Variants in ARHGAP21 observed in about 807,000 individuals in gnomAD.
ARHGAP21 encodes the protein rho GTPase-activating protein 21.
In ARHGAP21, 38 loss-of-function variants were observed where a neutral mutation model predicts 164.6. That is an observed-to-expected ratio of 0.23 (90% CI 0.18 to 0.30). ARHGAP21 has a LOEUF of 0.30. Among genes scored for constraint, ARHGAP21 ranks in the 10% least tolerant of loss-of-function variants. The pLI is 1.00. For missense variants in ARHGAP21, 1,822 were observed against 2,370.7 expected (o/e 0.77, Z 4.81); for synonymous variants, 766 against 857.9 (o/e 0.89, Z 1.87).
intron 9 of ARHGAP21, among the ~76,000 whole-genome samples, chr10:24,609,493 T>C (rs1345157680): frequency 6.6e-6 from 1 of 152,214 alleles, no homozygotes; most frequent in Non-Finnish European, 1.5e-5. Context: ...GGCTTACTCA[T>C]TTCAGTATTG....
At position 24,670,204 on chromosome 10, in the gene ARHGAP21, A is replaced by T; in HGVS notation, c.243+14T>A. ...GTGGTTTTTTTTTCAAGTTGCGGTAACTATTTCTCTTACCTTATATGAAAA... is the reference window on the plus strand; with the variant it reads ...GTGGTTTTTTTTTCAAGTTGCGGTATCTATTTCTCTTACCTTATATGAAAA... On this transcript the variant is annotated intron_variant, in intron 3 of 25. Transcript: ENST00000396432. 6.5e-7 allele frequency: 1 copy of T among 1,535,434 alleles called. No individual in the cohort carries two copies. The highest frequency in any genetic ancestry group is 1.4e-5 in the African/African-American group (1 of 72,584).
At chr10:24,628,816 C>CACACATATATGTACAT (rs1565052902) in intron 7 of ARHGAP21, among the ~76,000 whole-genome samples, 3 of 110,362 alleles carry the variant, frequency 2.7e-5, no homozygotes, top group Non-Finnish European at 4.1e-5. Context: ...CATATATATA[C>CACACATATATGTACAT]ATATACACAC....
chr10:24,633,418 C>T lies in ARHGAP21; in HGVS notation c.424G>A (p.Ala142Thr). 6.2e-7 allele frequency: 1 copy of T among 1,609,658 alleles called. No individual in the cohort carries two copies. Among genetic ancestry groups the T allele is most frequent in the Non-Finnish European group, 8.5e-7 (1 of 1,177,444 alleles). The change falls in exon 6 of 26, where the codon GCT (alanine) becomes ACT (threonine). Residue 142 changes from alanine to threonine, a missense_variant. Physicochemically the swap from Ala to Thr is moderately conservative, Grantham distance 58 (BLOSUM62 0). Coordinates refer to ENST00000396432, the MANE Select transcript of ARHGAP21 (RefSeq NM_020824.4). ...GACTCTTACCTGTTTTGAATTAAAG[C>T]AATTACTTGGGAATAGGTTTTGCCA... is the stretch of plus-strand genomic sequence containing the variant. The part of the protein sequence containing the change: ...VIGKTYSQVI[A>T]LIQNSDTTLE...
intron 2 of ARHGAP21, among the ~76,000 whole-genome samples, chr10:24,699,065 G>C (rs139398366): frequency 1.1e-3 from 161 of 152,222 alleles, no homozygotes; most frequent in African/African-American, 3.1e-3. Flanking sequence ...CCCTTCGAAA[G>C]TGTTTTCCCA....
At chr10:24,692,649 T>C (rs568987309) in intron 2 of ARHGAP21, among the ~76,000 whole-genome samples, 3 of 152,184 alleles carry the variant, frequency 2.0e-5, no homozygotes, top group East Asian at 1.9e-4. Flanking sequence ...CTGGCCAACA[T>C]GGCGGAACCC....
chr10:24,690,684 C>T (rs1339360612), intron 2 of ARHGAP21, among the ~76,000 whole-genome samples: 3 of 151,798 alleles, frequency 2.0e-5, no homozygotes, highest in Non-Finnish European at 2.9e-5. Context: ...CAAAAATTAG[C>T]AGGTGTGGTA....
rs142377851 is a variant in ARHGAP21 at position 24,683,457 on chromosome 10, T to C, written c.64-13060A>G. Among the ~76,000 whole-genome samples the C allele has an allele frequency of 9.4e-4, 143 of 152,234 alleles. 5 individuals carry two copies. The East Asian group carries it at 0.023, about 24-fold the overall frequency. On this transcript the variant is annotated intron_variant, in intron 2 of 25. Coordinates refer to ENST00000396432, the MANE Select transcript of ARHGAP21 (RefSeq NM_020824.4). ...TACCTGGATAGCACATTTCTCTGTC[T>C]TTCTCTCTCTGATTTACTTTATTTT...
At chr10:24,716,677 C>A (rs1845417289) in intron 2 of ARHGAP21, among the ~76,000 whole-genome samples, 2 of 152,230 alleles carry the variant, frequency 1.3e-5, no homozygotes, top group African/African-American at 4.8e-5. Flanking sequence ...AGGAATGACA[C>A]AACTTGATTT....
intron 4 of ARHGAP21, among the ~76,000 whole-genome samples, chr10:24,638,658 T>C (rs1331030594): frequency 6.6e-6 from 1 of 152,238 alleles, no homozygotes; most frequent in Non-Finnish European, 1.5e-5. Flanking sequence ...TTCTCAATTT[T>C]TTGAGAACAC....
In ARHGAP21 at chr10:24,722,149, G is replaced by A. The variant is rs1845995470; in HGVS notation, c.-250C>T. ...TTTCTGGAGACTTAAAAACAAAGGC[G>A]ACAGGTCTTCTTGGCAGCCAGTGTC... On this transcript the variant is annotated 5_prime_UTR_variant, in exon 2 of 26. Transcript: ENST00000396432. 3.7e-6 allele frequency: 2 copies of A among 537,504 alleles called. No individual in the cohort carries two copies. The highest frequency in any genetic ancestry group is 4.2e-5 in the South Asian group (2 of 48,008). 33.3% of individuals were successfully genotyped at this position (537,504 alleles called of 1,614,324 possible). A position where few individuals can be genotyped will look rare whatever the true frequency, so the allele number is the denominator to read the frequency against.
intron 21 of ARHGAP21, among the ~76,000 whole-genome samples, chr10:24,594,646 G>A (rs1182064694): frequency 6.6e-6 from 1 of 152,092 alleles, no homozygotes; most frequent in Non-Finnish European, 1.5e-5. Flanking sequence ...GACTGTTGTA[G>A]CGTATGCATA....
At chr10:24,603,225 T>C (rs982632138) in intron 12 of ARHGAP21, among the ~76,000 whole-genome samples, 7 of 152,094 alleles carry the variant, frequency 4.6e-5, no homozygotes, top group Non-Finnish European at 1.0e-4. Flanking sequence ...GATGGAGAAG[T>C]AGTCTTTCAG....
At chr10:24,667,518 G>A (rs535215193) in intron 3 of ARHGAP21, among the ~76,000 whole-genome samples, 10 of 152,280 alleles carry the variant, frequency 6.6e-5, no homozygotes, top group Non-Finnish European at 1.3e-4. Context: ...CAATTTTGAA[G>A]TTTATCTACT....
chr10:24,668,602 A>G (rs574306523), intron 3 of ARHGAP21, among the ~76,000 whole-genome samples: 17 of 151,900 alleles, frequency 1.1e-4, no homozygotes, highest in African/African-American at 3.6e-4. Flanking sequence ...ATTTACTTCA[A>G]TGTTTAATAC....
At position 24,621,299 on chromosome 10, in the gene ARHGAP21, G is replaced by A. The variant is rs1252315382; in HGVS notation, c.596C>T (p.Pro199Leu). The A allele has an allele frequency of 1.2e-6, 2 of 1,612,734 alleles. No individual in the cohort carries two copies. Among genetic ancestry groups the A allele is most frequent in the South Asian group, 2.2e-5 (2 of 90,838 alleles). Residue 199 changes from proline (P) to leucine (L), a missense_variant, in exon 9 of 26, where the codon CCT (proline) becomes CTT (leucine). Pro to Leu is a moderately conservative substitution (Grantham distance 98, BLOSUM62 -3). Coordinates refer to ENST00000396432, the MANE Select transcript of ARHGAP21 (RefSeq NM_020824.4). Reference protein sequence around the residue: ...YSGNARNIPEPPPICYPWLPS... With the variant: ...YSGNARNIPELPPICYPWLPS... ...CAGCCAGGGATAGCAGATTGGTGGA[G>A]GTTCAGGTATATTGCGGGCATTGCC...
At chr10:24,611,138 G>C (rs1348093048) in intron 9 of ARHGAP21, among the ~76,000 whole-genome samples, 1 of 152,178 alleles carries the variant, frequency 6.6e-6, no homozygotes, top group Non-Finnish European at 1.5e-5. Flanking sequence ...CCCTCCTGTG[G>C]GCGGGCATGA....
intron 3 of ARHGAP21, among the ~76,000 whole-genome samples, chr10:24,667,843 A>G (rs943457846): frequency 3.9e-5 from 6 of 152,088 alleles, no homozygotes; most frequent in Non-Finnish European, 7.4e-5. Flanking sequence ...TGTTATATTA[A>G]TTACACATTT....
intron 12 of ARHGAP21, among the ~76,000 whole-genome samples, chr10:24,603,542 GTGAATGAGTCAC>G (rs1286813871): frequency 2.0e-5 from 3 of 152,164 alleles, no homozygotes; most frequent in African/African-American, 7.2e-5. Context: ...ACAACAGTGA[GTGAATGAGTCAC>G]TGGAAAAATG....
At chr10:24,605,190 C>T (rs2076971432) in intron 11 of ARHGAP21, among the ~76,000 whole-genome samples, 1 of 152,152 alleles carries the variant, frequency 6.6e-6, no homozygotes, top group East Asian at 1.9e-4. Context: ...ACAATGGATA[C>T]GGGAAGAAAG....
Sources: allele counts gnomAD v4.1 joint callset (sites outside exome capture counted in the v4.1 genomes callset), GRCh38; gene constraint gnomAD v4.1.1; transcripts MANE v1.5; gene names NCBI Gene and HGNC (gene_info 2026-07-23, HGNC 2026-07-21).